NR1H2: variants seen among roughly 807,000 people sequenced by gnomAD.
NR1H2 encodes oxysterols receptor LXR-beta.
NR1H2 carries 33 observed loss-of-function variants against 51.2 expected under a neutral mutation model. The ratio of observed to expected loss-of-function variants is 0.64; its 90% CI spans 0.49 to 0.86. NR1H2 has a LOEUF of 0.86. Among genes scored for constraint, NR1H2 ranks in the 40% least tolerant of loss-of-function variants. The pLI is 0.00. For missense variants in NR1H2, 592 were observed against 639.9 expected (o/e 0.93, Z 0.81); for synonymous variants, 310 against 264.3 (o/e 1.17, Z -1.68).
chr19:50,382,140 C>T lies in NR1H2; in HGVS notation c.1202C>T (p.Ala401Val), dbSNP rs1173465232. ...VEALQQPYVE[A>V]LLSYTRIKRP... is the part of the protein sequence containing the mutation. ...GCGTTGCAGCAGCCCTACGTGGAGG[C>T]GCTGCTGTCCTACACGCGCATCAAG... is the stretch of plus-strand genomic sequence containing the variant. Residue 401 changes from alanine to valine, a missense_variant, in exon 9 of 10, where the codon GCG (alanine) becomes GTG (valine). Coordinates refer to ENST00000253727, the MANE Select transcript of NR1H2 (RefSeq NM_007121.7). 3 of 1,541,094 alleles carry T rather than the reference C, an allele frequency of 1.9e-6. No homozygotes were observed. The highest frequency in any genetic ancestry group is 2.6e-6 in the Non-Finnish European group (3 of 1,146,352).
chr19:50,378,312 G>A lies in NR1H2; in HGVS notation c.345G>A (p.Val115=), dbSNP rs1373341344. Residue 115 remains valine (V), a synonymous_variant, in exon 5 of 10, where the codon GTG becomes GTA. Coordinates refer to ENST00000253727, the MANE Select transcript of NR1H2 (RefSeq NM_007121.7). ...GCAAGGGCTTCTTCCGGCGCAGTGT[G>A]GTCCGTGGTGGGGCCAGGCGCTATG... ...EGCKGFFRRS[V]VRGGARRYAC... 3 of 1,613,056 alleles carry A rather than the reference G, an allele frequency of 1.9e-6. No homozygotes were observed. The highest frequency in any genetic ancestry group is 2.7e-5 in the African/African-American group (2 of 74,960).
Position 50,377,636 on chromosome 19 carries a change from AC to A in NR1H2, c.37del (p.Leu13CysfsTer18). ...CTCTCCTACCACGAGTTCCCTGGAT[AC>A]CCCCCTGCCTGGTGAGTGACTCTCT... is the stretch of plus-strand genomic sequence containing the variant. MSSPTTSSLDTPLPGNGPPQP... is the reference protein window; with the variant it reads MSSPTTSSLDXPLPGNGPPQP... On this transcript the variant is annotated frameshift_variant, in exon 3 of 10. Transcript: ENST00000253727. LOFTEE classifies it high-confidence loss of function. 1 of 1,612,876 alleles carries A rather than the reference AC, an allele frequency of 6.2e-7. No homozygotes were observed.
intron 8 of NR1H2, 43 bp from the exon 9 acceptor site, chr19:50,381,923 G>A (rs777502111): frequency 7.7e-5 from 116 of 1,500,826 alleles, no homozygotes; most frequent in East Asian, 3.7e-4. Flanking sequence ...TGTGGGGCAC[G>A]GTTTCGGGCT....
In NR1H2 at chr19:50,378,414, C is replaced by T. The variant is rs1434716385; in HGVS notation, c.447C>T (p.Cys149=). The T allele has an allele frequency of 6.2e-7, 1 of 1,603,214 alleles. No homozygotes were observed. The highest frequency in any genetic ancestry group is 1.1e-5 in the South Asian group (1 of 90,698). ...RKCQQCRLRK[C]KEAGMREQCV... ...GCCAGCAGTGCCGGCTGCGCAAGTGCAAGGAGGCAGGGATGAGGGAGCAGT... is the reference window on the plus strand; with the variant it reads ...GCCAGCAGTGCCGGCTGCGCAAGTGTAAGGAGGCAGGGATGAGGGAGCAGT... The change falls in exon 5 of 10, where the codon TGC becomes TGT. Residue 149 remains cysteine, a synonymous_variant. Transcript: ENST00000253727.
In NR1H2 at chr19:50,382,767, C is replaced by T. The variant is rs1371472583; in HGVS notation, c.*165C>T. ...CCAGTCCAGGTCCAGGAGGCTCCCTCCCTGCCCAGCGAGTCTTCCAGAAGG... is the reference window on the plus strand; with the variant it reads ...CCAGTCCAGGTCCAGGAGGCTCCCTTCCTGCCCAGCGAGTCTTCCAGAAGG... On this transcript the variant is annotated 3_prime_UTR_variant, in exon 10 of 10. Coordinates refer to ENST00000253727, the MANE Select transcript of NR1H2 (RefSeq NM_007121.7). The T allele has an allele frequency of 4.5e-6, 3 of 669,580 alleles. No individual in the cohort carries two copies. Among genetic ancestry groups the T allele is most frequent in the Non-Finnish European group, 7.0e-6 (3 of 426,112 alleles). 41.5% of individuals were successfully genotyped at this position (669,580 alleles called of 1,614,324 possible).
Position 50,378,548 on chromosome 19 carries a change from A to G in NR1H2, c.499A>G (p.Lys167Glu). 6.4e-7 allele frequency: 1 copy of G among 1,558,484 alleles called. No individual in the cohort carries two copies. The highest frequency in any genetic ancestry group is 8.6e-7 in the Non-Finnish European group (1 of 1,160,200). Residue 167 changes from lysine to glutamate, a missense_variant, in exon 6 of 10, where the codon AAG becomes GAG. Lys to Glu is a moderately conservative substitution (Grantham distance 56). Coordinates refer to ENST00000253727, the MANE Select transcript of NR1H2 (RefSeq NM_007121.7). ...CGTCCTTTCTGAAGAACAGATCCGG[A>G]AGAAGAAGATTCGGAAACAGCAGCA... The part of the protein sequence containing the change: ...QCVLSEEQIR[K>E]KKIRKQQQES...
chr19:50,380,389 T>C (rs1332265665), intron 8 of NR1H2, among the ~76,000 whole-genome samples: 1 of 152,142 alleles, frequency 6.6e-6, no homozygotes, highest in Non-Finnish European at 1.5e-5. Context: ...TCCTGCCCTC[T>C]GAGAGCGCTA....
rs1350725806 is a variant in NR1H2 at position 50,380,232 on chromosome 19, CCCTGTTA to C, written c.1027+356_1027+362del. Among the ~76,000 whole-genome samples the C allele has an allele frequency of 5.3e-5, 8 of 152,086 alleles. 1 individual carries two copies. The highest frequency in any genetic ancestry group is 2.4e-5 in the African/African-American group (1 of 41,406). ...GCAGTGGAAGTTGAGATGGGAGGAG[CCCTGTTA>C]CCACATCAGGCATCTTGGTGGGCAT... On this transcript the variant is annotated intron_variant, in intron 8 of 9. Coordinates refer to ENST00000253727, the MANE Select transcript of NR1H2 (RefSeq NM_007121.7).
intron 9 of NR1H2, 78 bp from the exon 10 acceptor site, chr19:50,382,378 C>T: frequency 6.6e-7 from 1 of 1,511,874 alleles, no homozygotes; most frequent in Non-Finnish European, 8.8e-7. Context: ...GGGAGGGGCC[C>T]TCCTTTCTGT....
chr19:50,382,352 C>G, intron 9 of NR1H2, 104 bp from the exon 10 acceptor site: 1 of 1,449,708 alleles, frequency 6.9e-7, no homozygotes, highest in Non-Finnish European at 9.2e-7. Flanking sequence ...CCCACGCTGG[C>G]TCCCACGCCT....
chr19:50,378,569 C>CAGT lies in NR1H2; in HGVS notation c.522_523insTAG (p.Gln174_Gln175insTer), dbSNP rs1432550551. The CAGT allele has an allele frequency of 1.9e-6, 3 of 1,613,616 alleles. No individual in the cohort carries two copies. The African/African-American group carries it at 4.0e-5, about 22-fold the overall frequency. ...CCGGAAGAAGAAGATTCGGAAACAG[C>CAGT]AGCAGGAGTCACAGTCACAGTCGCA... On this transcript the variant is annotated stop_gained and inframe_insertion, in exon 6 of 10. Transcript: ENST00000253727. LOFTEE classifies it high-confidence loss of function.
intron 9 of NR1H2, 38 bp from the exon 10 acceptor site, chr19:50,382,418 C>G: frequency 1.9e-6 from 3 of 1,552,396 alleles, no homozygotes; most frequent in Non-Finnish European, 2.6e-6. Flanking sequence ...CCTGGCAGGG[C>G]AGGGGCTCAG....
chr19:50,382,370 G>T, intron 9 of NR1H2, 86 bp from the exon 10 acceptor site: 1 of 1,499,204 alleles, frequency 6.7e-7, no homozygotes, highest in Non-Finnish European at 8.9e-7. Context: ...CCTGGTCGGG[G>T]AGGGGCCCTC....
chr19:50,378,947 A>G lies in NR1H2; in HGVS notation c.748-55A>G, dbSNP rs56904024. The stretch of plus-strand genomic sequence containing the variant: ...GTGCAGGCTTGGCCTCAAGGTGGCC[A>G]CCCAGACTTAGGCTCACAAAGACCT... On this transcript the variant is annotated intron_variant, in intron 6 of 9. Coordinates refer to ENST00000253727, the MANE Select transcript of NR1H2 (RefSeq NM_007121.7). 4.3e-3 allele frequency: 6,752 copies of G among 1,557,412 alleles called. 166 individuals carry two copies. The African/African-American group carries it at 0.06, about 14-fold the overall frequency.
At position 50,378,814 on chromosome 19, in the gene NR1H2, A is replaced by G. The variant is rs1389182766; in HGVS notation, c.747+18A>G. ...AAGTCACGGTACTGCCCCCTCCACA[A>G]CCTTGAGTGTGACGGTCCCAATGGG... On this transcript the variant is annotated intron_variant, in intron 6 of 9. Coordinates refer to ENST00000253727, the MANE Select transcript of NR1H2 (RefSeq NM_007121.7). 3.7e-6 allele frequency: 6 copies of G among 1,608,250 alleles called. No individual in the cohort carries two copies. The Admixed American group carries it at 5.0e-5, about 13-fold the overall frequency.
rs367693413 is a variant in NR1H2, at chr19:50,382,090, C to G, written c.1152C>G (p.Asn384Lys). Residue 384 changes from asparagine to lysine, a missense_variant, in exon 9 of 10, where the codon AAC becomes AAG. Physicochemically the swap from Asn to Lys is moderately conservative, Grantham distance 94 (BLOSUM62 0). Coordinates refer to ENST00000253727, the MANE Select transcript of NR1H2 (RefSeq NM_007121.7). ...ACATCTTCTCGGCCGACCGGCCCAA[C>G]GTGCAGGAGCCGGGCCGCGTGGAGG... ...AINIFSADRP[N>K]VQEPGRVEAL... 3 of 1,549,266 alleles carry G rather than the reference C, an allele frequency of 1.9e-6. No homozygotes were observed. Among genetic ancestry groups the G allele is most frequent in the African/African-American group, 1.4e-5 (1 of 73,142 alleles).
At chr19:50,381,024 G>A (rs1438538590) in intron 8 of NR1H2, among the ~76,000 whole-genome samples, 2 of 152,056 alleles carry the variant, frequency 1.3e-5, no homozygotes, top group African/African-American at 2.4e-5. Context: ...GGCCCACAAA[G>A]CCCTTTAGGA....
Position 50,382,601 on chromosome 19 carries a change from G to C in NR1H2, c.1382G>C (p.Ter461SerextTer26), listed in dbSNP as rs755223290. The change falls in exon 10 of 10, where the codon TGA becomes TCA. Residue 461 changes from the stop codon to serine (S), a stop_lost. Transcript: ENST00000253727. ...TCGGAGATCTGGGACGTCCACGAGT[G>C]AGGGGCTGGCCACCCAGCCCCACAG... Reference protein sequence around the residue: ...LLSEIWDVHE* With the variant: ...LLSEIWDVHES The C allele has an allele frequency of 6.4e-7, 1 of 1,566,692 alleles. No individual in the cohort carries two copies. The highest frequency in any genetic ancestry group is 8.6e-7 in the Non-Finnish European group (1 of 1,158,166).
At position 50,382,613 on chromosome 19, in the gene NR1H2, A is replaced by G. The variant is rs567408300; in HGVS notation, c.*11A>G. On this transcript the variant is annotated 3_prime_UTR_variant, in exon 10 of 10. Transcript: ENST00000253727. ...GACGTCCACGAGTGAGGGGCTGGCC[A>G]CCCAGCCCCACAGCCTTGCCTGACC... 32 of 1,546,818 alleles carry G rather than the reference A, an allele frequency of 2.1e-5. No homozygotes were observed. The South Asian group carries it at 3.7e-4, about 18-fold the overall frequency.
Sources: gnomAD v4.1 joint callset for allele counts (sites outside exome capture counted in the v4.1 genomes callset) on GRCh38, gnomAD v4.1.1 for gene constraint, MANE v1.5 for transcripts, NCBI Gene and HGNC (gene_info 2026-07-23, HGNC 2026-07-21) for gene names.